MYRFL: variants seen among roughly 807,000 people sequenced by gnomAD.
MYRFL encodes the protein myelin regulatory factor-like protein.
MYRFL carries 88 observed loss-of-function variants against 109.4 expected under a neutral mutation model. The ratio of observed to expected loss-of-function variants is 0.80; its 90% CI spans 0.68 to 0.96. The LOEUF (loss-of-function observed/expected upper bound fraction) is 0.96. Ranked by LOEUF, MYRFL falls within the 40% of genes least tolerant of loss-of-function variation. The pLI, the probability that MYRFL is intolerant of heterozygous loss-of-function variation, is 0.00. For missense variants in MYRFL, 957 were observed against 954.9 expected (o/e 1.00, Z -0.03); for synonymous variants, 324 against 320.9 (o/e 1.01, Z -0.10).
chr12:69,893,989 ATTTTTTTT>A (rs60637559), intron 8 of MYRFL, 149 bp downstream of exon 8: 68 of 113,162 alleles, frequency 6.0e-4, no homozygotes, highest in South Asian at 9.9e-4. Flanking sequence ...AATAATGTTA[ATTTTTTTT>A]TTTTTTTTTT....
chr12:69,870,175 C>A (rs1479310148), intron 2 of MYRFL, among the ~76,000 whole-genome samples: 4 of 113,998 alleles, frequency 3.5e-5, no homozygotes, highest in Non-Finnish European at 4.9e-5. Flanking sequence ...GTGTTGAGAT[C>A]TCGGCTCACT....
chr12:69,863,150 G>A (rs2136325654), intron 2 of MYRFL, among the ~76,000 whole-genome samples: 1 of 152,136 alleles, frequency 6.6e-6, no homozygotes, highest in South Asian at 2.1e-4. Context: ...GATTCGGTTT[G>A]CCAGTATTTT....
At chr12:69,948,026 C>A (rs1955883299) in intron 19 of MYRFL, among the ~76,000 whole-genome samples, 1 of 152,106 alleles carries the variant, frequency 6.6e-6, no homozygotes, top group African/African-American at 2.4e-5. Context: ...ATATCTCCAA[C>A]TTTATAATGA....
At chr12:69,868,115 T>TC (rs985043027) in intron 2 of MYRFL, among the ~76,000 whole-genome samples, 3 of 150,910 alleles carry the variant, frequency 2.0e-5, no homozygotes, top group African/African-American at 7.3e-5. Flanking sequence ...TTTTCTTTTT[T>TC]TTTTTTTTTG....
In MYRFL at chr12:69,855,309, C is replaced by G. The variant is rs1336835098; in HGVS notation, c.76C>G (p.Pro26Ala). The G allele has an allele frequency of 5.7e-6, 4 of 702,668 alleles. No homozygotes were observed. In the South Asian group the frequency reaches 5.9e-5, roughly 10 times the overall value. The allele number at this position is 702,668 out of a possible 1,614,324, so 43.5% of individuals were successfully genotyped here. A position where few individuals can be genotyped will look rare whatever the true frequency, so the allele number is the denominator to read the frequency against. Residue 26 changes from proline (P) to alanine (A), a missense_variant, in exon 2 of 25, where the codon CCA (proline) becomes GCA (alanine). Coordinates refer to ENST00000552032, the MANE Select transcript of MYRFL (RefSeq NM_182530.3). Reference protein sequence around the residue: ...AQGANGTLENPALDTSLLEEF... With the variant: ...AQGANGTLENAALDTSLLEEF... Reference sequence around the variant, plus strand: ...GGGAGCCAATGGTACTCTGGAGAACCCAGCCCTGGACACAAGTCTGTTGGA... The same window carrying G: ...GGGAGCCAATGGTACTCTGGAGAACGCAGCCCTGGACACAAGTCTGTTGGA...
chr12:69,917,383 CTTTTTTTTTTTT>C (rs56118035), intron 13 of MYRFL, among the ~76,000 whole-genome samples: 10 of 102,516 alleles, frequency 9.8e-5, no homozygotes, highest in African/African-American at 3.7e-4. Flanking sequence ...TATTCACTGA[CTTTTTTTTTTTT>C]TTTTTTTTTT....
intron 2 of MYRFL, among the ~76,000 whole-genome samples, chr12:69,863,818 T>C (rs1884844871): frequency 6.6e-6 from 1 of 152,200 alleles, no homozygotes. Flanking sequence ...CTTTAGAATT[T>C]CATTTAGAGC....
intron 13 of MYRFL, among the ~76,000 whole-genome samples, chr12:69,924,113 C>T (rs1954995002): frequency 2.0e-5 from 3 of 149,148 alleles, no homozygotes; most frequent in Non-Finnish European, 3.0e-5. Flanking sequence ...GGTGTGAACC[C>T]GGGAGGCAGA....
intron 5 of MYRFL, among the ~76,000 whole-genome samples, chr12:69,881,452 G>A (rs1360340673): frequency 6.6e-6 from 1 of 152,236 alleles, no homozygotes; most frequent in African/African-American, 2.4e-5. Context: ...GTCCAGAAAG[G>A]AGATGTGCGT....
rs867650962 is a variant in MYRFL, at chr12:69,879,150, C to G, written c.206-45C>G. 10 of 702,866 alleles carry G rather than the reference C, an allele frequency of 1.4e-5. No individual in the cohort carries two copies. The East Asian group carries it at 2.7e-4, about 19-fold the overall frequency. The allele number at this position is 702,866 out of a possible 1,614,324, so 43.5% of individuals were successfully genotyped here. On this transcript the variant is annotated intron_variant, in intron 3 of 24. Transcript: ENST00000552032. ...GCACTGTTGCTCTTCCTCCTCGACT[C>G]TGGGCCGTGAGAAAGGGGCACTTCC...
chr12:69,897,148 T>C lies in MYRFL; in HGVS notation c.1092-8T>C. 1 of 1,532,630 alleles carries C rather than the reference T, an allele frequency of 6.5e-7. No homozygotes were observed. Among genetic ancestry groups the C allele is most frequent in the Non-Finnish European group, 8.7e-7 (1 of 1,143,780 alleles). The allele number at this position is 1,532,630 out of a possible 1,614,324, so 94.9% of individuals were successfully genotyped here. A position where few individuals can be genotyped will look rare whatever the true frequency, so the allele number is the denominator to read the frequency against. On this transcript the variant is annotated splice_polypyrimidine_tract_variant and splice_region_variant and intron_variant, in intron 9 of 24. Coordinates refer to ENST00000552032, the MANE Select transcript of MYRFL (RefSeq NM_182530.3). ...TGCATTGGCATTGGTCTGCTGTCTC[T>C]GAATTAGATACTTCATGTTGGTGGT...
rs1955460153 is a variant in MYRFL, at chr12:69,936,203, A to G, written c.1991+16A>G. ...TCCCTCCAAGGTGAGAGTTCAGTTCAATTTTCTGGCCTAAAATTCCTTTGG... is the reference window on the plus strand; with the variant it reads ...TCCCTCCAAGGTGAGAGTTCAGTTCGATTTTCTGGCCTAAAATTCCTTTGG... On this transcript the variant is annotated intron_variant, in intron 17 of 24. Transcript: ENST00000552032. 6.5e-7 allele frequency: 1 copy of G among 1,528,510 alleles called. No homozygotes were observed. The highest frequency in any genetic ancestry group is 1.4e-5 in the African/African-American group (1 of 70,918). The allele number at this position is 1,528,510 out of a possible 1,614,324, so 94.7% of individuals were successfully genotyped here.
At chr12:69,842,243 C>G (rs995726302) in intron 1 of MYRFL, among the ~76,000 whole-genome samples, 2 of 152,190 alleles carry the variant, frequency 1.3e-5, no homozygotes, top group Non-Finnish European at 2.9e-5. Flanking sequence ...GTGCAATCTC[C>G]CAACTGCAGG....
intron 15 of MYRFL, among the ~76,000 whole-genome samples, chr12:69,928,434 C>T (rs190178328): frequency 5.3e-5 from 8 of 152,280 alleles, no homozygotes; most frequent in Admixed American, 1.3e-4. Context: ...GTGGCCCTTC[C>T]CTGGGGAAGA....
chr12:69,914,917 T>TA (rs1954686113), intron 13 of MYRFL, among the ~76,000 whole-genome samples: 1 of 152,196 alleles, frequency 6.6e-6, no homozygotes, highest in Non-Finnish European at 1.5e-5. Flanking sequence ...CACACTCACT[T>TA]ACAGAATCTG....
chr12:69,892,163 G>A (rs1312765970), intron 7 of MYRFL, among the ~76,000 whole-genome samples: 1 of 151,938 alleles, frequency 6.6e-6, no homozygotes, highest in Non-Finnish European at 1.5e-5. Flanking sequence ...TTATCAAAGA[G>A]ATCTGTGACC....
chr12:69,902,569 G>C (rs1199930597), intron 10 of MYRFL, among the ~76,000 whole-genome samples: 3 of 152,130 alleles, frequency 2.0e-5, no homozygotes, highest in Admixed American at 2.0e-4. Context: ...AAGGTAAAAA[G>C]TCAAGTATTA....
rs1884158270 is a variant in MYRFL, at chr12:69,854,623, T to G, written c.47-657T>G. Among the ~76,000 whole-genome samples the G allele has an allele frequency of 7.9e-5, 12 of 152,256 alleles. No homozygotes were observed. The South Asian group carries it at 2.5e-3, about 32-fold the overall frequency. On this transcript the variant is annotated intron_variant, in intron 1 of 24. Coordinates refer to ENST00000552032, the MANE Select transcript of MYRFL (RefSeq NM_182530.3). Reference sequence around the variant, plus strand: ...CTGGTCTTGAACTCCTGACCTCAAATGATTCACCTCCCTTGGCCTCCCAAA... The same window carrying G: ...CTGGTCTTGAACTCCTGACCTCAAAGGATTCACCTCCCTTGGCCTCCCAAA...
intron 1 of MYRFL, among the ~76,000 whole-genome samples, chr12:69,850,882 G>C (rs1261794242): frequency 6.6e-6 from 1 of 151,910 alleles, no homozygotes; most frequent in African/African-American, 2.4e-5. Flanking sequence ...ACTTTCAAGA[G>C]GGACTTAAAG....
Sources: allele counts gnomAD v4.1 joint callset (sites outside exome capture counted in the v4.1 genomes callset), GRCh38; gene constraint gnomAD v4.1.1; transcripts MANE v1.5; gene names NCBI Gene and HGNC (gene_info 2026-07-23, HGNC 2026-07-21).